DPP6: variants seen among roughly 807,000 people sequenced by gnomAD.
The protein encoded by DPP6 is A-type potassium channel modulatory protein DPP6.
DPP6 carries 69 observed loss-of-function variants against 122.6 expected under a neutral mutation model. The observed-to-expected ratio is 0.56, with a 90% CI of 0.46 to 0.69. The LOEUF (loss-of-function observed/expected upper bound fraction) is 0.69. DPP6 is among the 30% of genes least tolerant of loss of function. The pLI, the probability that DPP6 is intolerant of heterozygous loss-of-function variation, is 0.00. For synonymous variants in DPP6, 418 were observed against 433.1 expected (o/e 0.97, Z 0.43); for missense variants, 928 against 1,116.9 (o/e 0.83, Z 2.41).
chr7:154,695,344 C>G (rs934163309), intron 7 of DPP6, among the ~76,000 whole-genome samples: 1 of 152,158 alleles, frequency 6.6e-6, no homozygotes, highest in Non-Finnish European at 1.5e-5. Context: ...TATGTTTGCC[C>G]AGAGCTGTGC....
At chr7:154,023,960 A>G (rs1015703633) in intron 1 of DPP6, among the ~76,000 whole-genome samples, 6 of 152,346 alleles carry the variant, frequency 3.9e-5, no homozygotes, top group African/African-American at 1.2e-4. Flanking sequence ...TACCTGCAGC[A>G]AGATTAGGTT....
rs73727318 is a variant in DPP6, at chr7:154,621,226, C to T, written c.628-16595C>T. Among the ~76,000 whole-genome samples the T allele has an allele frequency of 8.0e-3, 1,221 of 152,186 alleles. 13 individuals are homozygous for T. Among genetic ancestry groups the T allele is most frequent in the African/African-American group, 0.028 (1,148 of 41,520 alleles). ...AACTACGACATGATTTGGAAGCCTG[C>T]TAAGAATGAGTCTATAATATGTTTA... On this transcript the variant is annotated intron_variant, in intron 5 of 25. Coordinates refer to ENST00000377770, the MANE Select transcript of DPP6 (RefSeq NM_130797.4).
At chr7:154,593,006 G>A (rs890590124) in intron 5 of DPP6, among the ~76,000 whole-genome samples, 1 of 152,126 alleles carries the variant, frequency 6.6e-6, no homozygotes, top group African/African-American at 2.4e-5. Context: ...GCTGCGGGCC[G>A]GAGCTGTCAT....
intron 5 of DPP6, among the ~76,000 whole-genome samples, chr7:154,575,060 G>A (rs1831462842): frequency 1.8e-5 from 2 of 110,462 alleles, no homozygotes; most frequent in African/African-American, 3.5e-5. Flanking sequence ...TGTGTGGTGT[G>A]TTTGGTGTGT....
At chr7:154,560,630 T>C (rs1261602783) in intron 4 of DPP6, among the ~76,000 whole-genome samples, 1 of 152,210 alleles carries the variant, frequency 6.6e-6, no homozygotes, top group African/African-American at 2.4e-5. Flanking sequence ...ATGCCTGTAA[T>C]CCCATCACTT....
intron 16 of DPP6, among the ~76,000 whole-genome samples, chr7:154,844,392 C>T (rs923914640): frequency 6.6e-6 from 1 of 152,190 alleles, no homozygotes; most frequent in African/African-American, 2.4e-5. Flanking sequence ...TTCGGCATGT[C>T]CCCTCTTCTC....
At chr7:153,896,893 A>G (rs1799437184) in intron 1 of DPP6, among the ~76,000 whole-genome samples, 1 of 152,244 alleles carries the variant, frequency 6.6e-6, no homozygotes, top group African/African-American at 2.4e-5. Context: ...AGTTTTCTAG[A>G]AAATTGCATT....
At chr7:154,675,375 A>T (rs572706673) in intron 7 of DPP6, among the ~76,000 whole-genome samples, 3 of 152,256 alleles carry the variant, frequency 2.0e-5, no homozygotes, top group African/African-American at 7.2e-5. Flanking sequence ...AAAGAAAAAA[A>T]ATTGTGCTGT....
chr7:154,842,580 AT>A (rs375031250), intron 16 of DPP6, among the ~76,000 whole-genome samples: 5,663 of 150,204 alleles, frequency 0.038, 347 homozygotes, highest in African/African-American at 0.13. Context: ...TGGTAATCTG[AT>A]TTTTTTTTTA....
intron 1 of DPP6, among the ~76,000 whole-genome samples, chr7:154,406,933 A>T (rs559147747): frequency 5.9e-5 from 9 of 152,276 alleles, no homozygotes; most frequent in Admixed American, 4.6e-4. Flanking sequence ...GGATGCATCA[A>T]TGCACTCCTA....
At chr7:154,041,334 G>A (rs908031397) in intron 1 of DPP6, among the ~76,000 whole-genome samples, 1 of 152,196 alleles carries the variant, frequency 6.6e-6, no homozygotes, top group Non-Finnish European at 1.5e-5. Context: ...AGGTGGGAAG[G>A]CTTGATGATT....
chr7:154,432,087 C>T (rs528741482), intron 1 of DPP6, among the ~76,000 whole-genome samples: 43 of 152,228 alleles, frequency 2.8e-4, no homozygotes, highest in Admixed American at 2.6e-4. Context: ...AAGCAGTTTC[C>T]GGGTCCAAAA....
At chr7:154,679,169 T>G (rs1839128299) in intron 7 of DPP6, among the ~76,000 whole-genome samples, 1 of 152,098 alleles carries the variant, frequency 6.6e-6, no homozygotes, top group Non-Finnish European at 1.5e-5. Flanking sequence ...CCATCCACAG[T>G]GTACCTGTGT....
intron 10 of DPP6, among the ~76,000 whole-genome samples, chr7:154,791,671 G>T (rs1209555948): frequency 5.3e-5 from 8 of 152,224 alleles, no homozygotes; most frequent in Non-Finnish European, 2.9e-5. Flanking sequence ...AACCACACCA[G>T]AGTAACACAT....
At position 154,313,706 on chromosome 7, in the gene DPP6, TATATATATAC is replaced by T. The variant is rs1351078590; in HGVS notation, c.244-132506_244-132497del. On this transcript the variant is annotated intron_variant, in intron 1 of 25. Coordinates refer to ENST00000377770, the MANE Select transcript of DPP6 (RefSeq NM_130797.4). The stretch of plus-strand genomic sequence containing the variant: ...TATGGTATATATATATATATATATA[TATATATATAC>T]ACACACACGCACGCACACACACACA... Among the ~76,000 whole-genome samples the T allele has an allele frequency of 6.0e-4, 11 of 18,342 alleles. 2 individuals are homozygous for T. The highest frequency in any genetic ancestry group is 1.8e-3 in the Admixed American group (3 of 1,700). 12.0% of individuals were successfully genotyped at this position (18,342 alleles called of 152,430 possible). A position where few individuals can be genotyped will look rare whatever the true frequency, so the allele number is the denominator to read the frequency against.
At position 154,136,056 on chromosome 7, in the gene DPP6, C is replaced by T. The variant is rs184356732; in HGVS notation, c.243+82993C>T. The stretch of plus-strand genomic sequence containing the variant: ...GGGGTTCTTGCACATGATTCTTTAC[C>T]ACCCCAGAACTCTGGAAGGTGTTGC... On this transcript the variant is annotated intron_variant, in intron 1 of 25. Transcript: ENST00000377770. Among the ~76,000 whole-genome samples the T allele has an allele frequency of 5.3e-5, 8 of 152,334 alleles. No homozygotes were observed. The East Asian group carries it at 1.5e-3, about 29-fold the overall frequency.
intron 1 of DPP6, among the ~76,000 whole-genome samples, chr7:154,432,514 C>G (rs1563661667): frequency 6.6e-6 from 1 of 152,178 alleles, no homozygotes; most frequent in Non-Finnish European, 1.5e-5. Context: ...TAACAATGAT[C>G]TAGGGGTTTT....
chr7:154,854,902 G>A (rs556867800), intron 17 of DPP6, among the ~76,000 whole-genome samples: 13 of 152,132 alleles, frequency 8.5e-5, no homozygotes, highest in African/African-American at 2.9e-4. Context: ...TCCTTCCCCC[G>A]AATCCTTCCC....
chr7:154,843,165 G>A (rs1480794696), intron 16 of DPP6, among the ~76,000 whole-genome samples: 1 of 152,202 alleles, frequency 6.6e-6, no homozygotes, highest in Non-Finnish European at 1.5e-5. Context: ...AGCCAGGCGT[G>A]GTGGCGCATG....
Sources: gnomAD v4.1 joint callset for allele counts (sites outside exome capture counted in the v4.1 genomes callset) on GRCh38, gnomAD v4.1.1 for gene constraint, MANE v1.5 for transcripts, NCBI Gene and HGNC (gene_info 2026-07-23, HGNC 2026-07-21) for gene names.